GAN: variants seen among roughly 807,000 people sequenced by gnomAD.
GAN encodes epididymis secretory sperm binding protein.
A neutral mutation model predicts 71.3 loss-of-function variants in GAN; 48 were observed. That is an observed-to-expected ratio of 0.67 (90% CI 0.53 to 0.86). The LOEUF (loss-of-function observed/expected upper bound fraction) is 0.86, where lower values mean the gene tolerates loss of function less well. GAN is among the 40% of genes least tolerant of loss of function. The pLI, the probability that GAN is intolerant of heterozygous loss-of-function variation, is 0.00. For missense variants in GAN, 928 were observed against 770.1 expected, an observed-to-expected ratio of 1.21 and a Z score of -2.43; for synonymous variants, 386 against 276.8, an observed-to-expected ratio of 1.39 and a Z score of -3.92.
At chr16:81,357,952 T>C in intron 5 of GAN, 21 bp downstream of exon 5, 1 of 1,608,694 alleles carries the variant, frequency 6.2e-7, no homozygotes, top group Non-Finnish European at 8.5e-7. Context: ...GTGGCAAATT[T>C]TCCTTAAACA....
intron 1 of GAN, among the ~76,000 whole-genome samples, chr16:81,344,218 A>G (rs753672209): frequency 9.2e-5 from 14 of 152,230 alleles, no homozygotes; most frequent in African/African-American, 3.4e-4. Context: ...TGCTATCCCC[A>G]TCAAGCTGCC....
intron 4 of GAN, 94 bp downstream of exon 4, chr16:81,357,096 C>T: frequency 3.5e-6 from 3 of 858,902 alleles, no homozygotes; most frequent in South Asian, 2.7e-5. Flanking sequence ...GTATCTAAAA[C>T]ATAATTACAT....
intron 1 of GAN, among the ~76,000 whole-genome samples, chr16:81,347,921 T>TG (rs766243828): frequency 2.2e-4 from 34 of 152,102 alleles, no homozygotes; most frequent in Non-Finnish European, 2.2e-4. Flanking sequence ...CTTTTTTGGT[T>TG]GGGGGGACAT....
At chr16:81,330,796 C>G (rs1182390260) in intron 1 of GAN, among the ~76,000 whole-genome samples, 1 of 152,196 alleles carries the variant, frequency 6.6e-6, no homozygotes, top group African/African-American at 2.4e-5. Flanking sequence ...GAGGTACCAC[C>G]TTAACCAAGT....
chr16:81,369,584 T>A (rs1910969859), intron 9 of GAN, among the ~76,000 whole-genome samples: 1 of 152,256 alleles, frequency 6.6e-6, no homozygotes, highest in Non-Finnish European at 1.5e-5. Flanking sequence ...TCTACATTAC[T>A]CATGGTAGAT....
Position 81,356,934 on chromosome 16 carries a change from G to A in GAN, c.783G>A (p.Ala261=), listed in dbSNP as rs774678754. 2.5e-5 allele frequency: 41 copies of A among 1,613,702 alleles called. No homozygotes were observed. Among genetic ancestry groups the A allele is most frequent in the Non-Finnish European group, 3.3e-5 (39 of 1,179,884 alleles). ...IPLSQPQQGE[A]MLANFKPRGY... is the part of the protein sequence containing the mutation. Reference sequence around the variant, plus strand: ...TCAGCCAGCCGCAGCAAGGGGAGGCGATGCTGGCCAACTTCAAACCCCGGG... The same window carrying A: ...TCAGCCAGCCGCAGCAAGGGGAGGCAATGCTGGCCAACTTCAAACCCCGGG... Residue 261 remains alanine, a synonymous_variant, in exon 4 of 11, where the codon GCG becomes GCA. Transcript: ENST00000648994.
rs996541259 is a variant in GAN, at chr16:81,381,509, G to C, written c.*3913G>C. ...CTCACTGAGCACTGGAGTCCAGGAA[G>C]TCAGTGAGAAGAGAGCAGCTGAGTG... On this transcript the variant is annotated 3_prime_UTR_variant, in exon 11 of 11. Transcript: ENST00000648994. 2 of 152,214 alleles carry C rather than the reference G, an allele frequency of 1.3e-5. No homozygotes were observed. Among genetic ancestry groups the C allele is most frequent in the African/African-American group, 2.4e-5 (1 of 41,436 alleles). The allele number at this position is 152,214 out of a possible 1,614,324, so 9.4% of individuals were successfully genotyped here.
intron 9 of GAN, among the ~76,000 whole-genome samples, chr16:81,376,233 A>G (rs1040566736): frequency 6.6e-6 from 1 of 152,006 alleles, no homozygotes; most frequent in African/African-American, 2.4e-5. Flanking sequence ...TAGCCCAGCA[A>G]TTTCATAAGT....
intron 1 of GAN, among the ~76,000 whole-genome samples, chr16:81,329,704 C>T (rs186773000): frequency 6.6e-6 from 1 of 152,316 alleles, no homozygotes; most frequent in East Asian, 1.9e-4. Flanking sequence ...GCTTCTGTGG[C>T]ACCTCTTGTC....
At chr16:81,340,396 C>G (rs185462615) in intron 1 of GAN, among the ~76,000 whole-genome samples, 6 of 152,298 alleles carry the variant, frequency 3.9e-5, no homozygotes, top group African/African-American at 1.4e-4. Flanking sequence ...ACACACCTCA[C>G]ACAGGCAGGT....
At chr16:81,334,980 T>A (rs1364781414) in intron 1 of GAN, among the ~76,000 whole-genome samples, 1 of 152,178 alleles carries the variant, frequency 6.6e-6, no homozygotes, top group Admixed American at 6.5e-5. Flanking sequence ...ATATTGACAT[T>A]AAACAAATGC....
chr16:81,359,763 T>C (rs1910610466), intron 5 of GAN, among the ~76,000 whole-genome samples: 1 of 152,178 alleles, frequency 6.6e-6, no homozygotes, highest in African/African-American at 2.4e-5. Flanking sequence ...TGTGTGTTTT[T>C]ACTATACATC....
At chr16:81,335,669 C>T (rs909099072) in intron 1 of GAN, among the ~76,000 whole-genome samples, 3 of 149,278 alleles carry the variant, frequency 2.0e-5, no homozygotes, top group South Asian at 2.1e-4. Flanking sequence ...ATCGCTTGAA[C>T]TCGGGAGGCG....
At chr16:81,335,899 G>C (rs1257783482) in intron 1 of GAN, among the ~76,000 whole-genome samples, 1 of 152,138 alleles carries the variant, frequency 6.6e-6, no homozygotes, top group African/African-American at 2.4e-5. Context: ...AGGAAATAGT[G>C]AAGAGTCCAG....
Position 81,387,408 on chromosome 16 carries a change from A to C in GAN, c.*9812A>C, listed in dbSNP as rs1238330503. 1 of 152,110 alleles carries C rather than the reference A, an allele frequency of 6.6e-6. No individual in the cohort carries two copies. Among genetic ancestry groups the C allele is most frequent in the Non-Finnish European group, 1.5e-5 (1 of 68,082 alleles). 9.4% of individuals were successfully genotyped at this position (152,110 alleles called of 1,614,324 possible). ...GTCACCAAGGGACCTGATTGTTGTC[A>C]TGGTTTTGTCTTGTCCTCCTCCCTG... On this transcript the variant is annotated 3_prime_UTR_variant, in exon 11 of 11. Transcript: ENST00000648994.
At chr16:81,334,389 A>G (rs1909685803) in intron 1 of GAN, among the ~76,000 whole-genome samples, 1 of 152,172 alleles carries the variant, frequency 6.6e-6, no homozygotes, top group Non-Finnish European at 1.5e-5. Context: ...GGATGAAGAC[A>G]CCTGGAAAGT....
At chr16:81,333,782 C>T (rs1909665387) in intron 1 of GAN, among the ~76,000 whole-genome samples, 1 of 152,154 alleles carries the variant, frequency 6.6e-6, no homozygotes, top group Non-Finnish European at 1.5e-5. Context: ...AAAACAACAC[C>T]ACCTATCCAC....
intron 1 of GAN, among the ~76,000 whole-genome samples, chr16:81,349,677 ATT>A (rs1910235784): frequency 6.6e-6 from 1 of 152,032 alleles, no homozygotes; most frequent in African/African-American, 2.4e-5. Context: ...TGTTAATATT[ATT>A]TCCTGTTCTG....
At chr16:81,376,559 A>G (rs1328069754) in intron 9 of GAN, among the ~76,000 whole-genome samples, 2 of 147,074 alleles carry the variant, frequency 1.4e-5, no homozygotes, top group Non-Finnish European at 3.0e-5. Flanking sequence ...ACACATATAC[A>G]TATATATGTG....
Sources: allele counts gnomAD v4.1 joint callset (sites outside exome capture counted in the v4.1 genomes callset), GRCh38; gene constraint gnomAD v4.1.1; transcripts MANE v1.5; gene names NCBI Gene and HGNC (gene_info 2026-07-23, HGNC 2026-07-21).